The following SNX29 variants were observed in gnomAD, a reference collection of about 807,000 sequenced individuals.
SNX29 encodes sorting nexin 29.
A neutral mutation model predicts 102.1 loss-of-function variants in SNX29; 78 were observed. The observed-to-expected ratio is 0.76, with a 90% confidence interval of 0.64 to 0.92. SNX29 has a LOEUF of 0.92. SNX29 is among the 40% of genes least tolerant of loss of function. The pLI is 0.00. For synonymous variants in SNX29, 580 were observed against 414.5 expected (o/e 1.40, Z -4.85); for missense variants, 1,280 against 1,061.7 (o/e 1.21, Z -2.86).
chr16:12,562,698 C>T (rs183692672), intron 20 of SNX29, among the ~76,000 whole-genome samples: 137 of 152,214 alleles, frequency 9.0e-4, no homozygotes, highest in African/African-American at 2.2e-3. Flanking sequence ...TCTTTGGAGT[C>T]GAGATTGAAG....
chr16:12,519,054 C>T (rs377569974), intron 19 of SNX29, among the ~76,000 whole-genome samples: 11 of 152,118 alleles, frequency 7.2e-5, no homozygotes, highest in Admixed American at 2.0e-4. Flanking sequence ...TGGGGAGTGA[C>T]GGTGCTATGT....
rs1332710343 is a variant in SNX29 at position 12,572,028 on chromosome 16, G to C, written c.*3399G>C. ...CTAGGGAGCTGCTGGCTATAAAAGG[G>C]ATCATCCAGTGGAGTTGTAAACAAG... On this transcript the variant is annotated 3_prime_UTR_variant, in exon 21 of 21. Transcript: ENST00000566228. 3.8e-6 allele frequency: 4 copies of C among 1,063,018 alleles called. No individual in the cohort carries two copies. Among genetic ancestry groups the C allele is most frequent in the South Asian group, 4.6e-5 (1 of 21,962 alleles). The allele number at this position is 1,063,018 out of a possible 1,614,324, so 65.8% of individuals were successfully genotyped here. A position where few individuals can be genotyped will look rare whatever the true frequency, so the allele number is the denominator to read the frequency against.
intron 18 of SNX29, among the ~76,000 whole-genome samples, chr16:12,440,577 G>T (rs993182597): frequency 2.0e-4 from 30 of 152,172 alleles, no homozygotes; most frequent in African/African-American, 5.1e-4. Context: ...TATTTTTCCT[G>T]ATCCTCTCCC....
chr16:12,206,913 A>C (rs887826092), intron 14 of SNX29, among the ~76,000 whole-genome samples: 3 of 149,640 alleles, frequency 2.0e-5, no homozygotes, highest in Non-Finnish European at 4.4e-5. Context: ...TCACTTTCCA[A>C]TTAATGAAGT....
chr16:12,041,096 C>T (rs1453983322), intron 4 of SNX29, among the ~76,000 whole-genome samples: 4 of 152,040 alleles, frequency 2.6e-5, no homozygotes, highest in East Asian at 1.9e-4. Flanking sequence ...GGTGAGCTAC[C>T]GCGCCATCCT....
chr16:12,006,107 G>A (rs2056443411), intron 3 of SNX29, among the ~76,000 whole-genome samples: 1 of 151,982 alleles, frequency 6.6e-6, no homozygotes, highest in African/African-American at 2.4e-5. Context: ...GGGAGGCTGA[G>A]GTAGGAGGAT....
chr16:12,540,264 A>T (rs533305266), intron 20 of SNX29, among the ~76,000 whole-genome samples: 3 of 152,088 alleles, frequency 2.0e-5, no homozygotes, highest in Non-Finnish European at 4.4e-5. Flanking sequence ...GCGTAAGGTC[A>T]AGTGGAGGGA....
chr16:12,068,866 G>C (rs1011067804), intron 9 of SNX29, among the ~76,000 whole-genome samples, 191 bp from the exon 10 acceptor site: 5 of 152,202 alleles, frequency 3.3e-5, no homozygotes, highest in Admixed American at 6.5e-5. Flanking sequence ...TACAGTGACT[G>C]ATGCCAAGTC....
intron 20 of SNX29, among the ~76,000 whole-genome samples, chr16:12,534,289 G>A (rs550863838): frequency 2.6e-5 from 4 of 152,220 alleles, no homozygotes; most frequent in East Asian, 3.9e-4. Flanking sequence ...GTCTTTCTCC[G>A]TGTGGGAGAC....
chr16:12,294,980 C>A (rs1034638536), intron 15 of SNX29, among the ~76,000 whole-genome samples: 1 of 152,162 alleles, frequency 6.6e-6, no homozygotes, highest in Non-Finnish European at 1.5e-5. Context: ...ACACGTCTTA[C>A]ATGGCGTCAG....
chr16:12,265,555 T>G (rs2078902392), intron 14 of SNX29, among the ~76,000 whole-genome samples: 1 of 152,042 alleles, frequency 6.6e-6, no homozygotes, highest in South Asian at 2.1e-4. Context: ...CTCTTGTATT[T>G]GGCTTTTAAA....
intron 16 of SNX29, among the ~76,000 whole-genome samples, chr16:12,380,320 C>T (rs1183400215): frequency 4.4e-5 from 6 of 137,344 alleles, no homozygotes; most frequent in Non-Finnish European, 6.3e-5. Context: ...CACCTATCAT[C>T]CACCCACCCA....
chr16:12,331,249 G>A (rs779140860), intron 15 of SNX29, among the ~76,000 whole-genome samples: 2 of 152,174 alleles, frequency 1.3e-5, no homozygotes, highest in Non-Finnish European at 2.9e-5. Flanking sequence ...CCTACACAGA[G>A]ATCATGAGAT....
At chr16:12,273,030 C>T (rs1208668342) in intron 14 of SNX29, among the ~76,000 whole-genome samples, 3 of 152,166 alleles carry the variant, frequency 2.0e-5, no homozygotes, top group South Asian at 2.1e-4. Flanking sequence ...CTATCTACAG[C>T]TGTGAAGTGC....
At chr16:12,025,182 T>C (rs2057153160) in intron 3 of SNX29, among the ~76,000 whole-genome samples, 1 of 151,472 alleles carries the variant, frequency 6.6e-6, no homozygotes, top group Non-Finnish European at 1.5e-5. Context: ...GGCGCCTGTA[T>C]TCCCAGCTAC....
At chr16:12,531,047 G>C (rs2076918685) in intron 20 of SNX29, among the ~76,000 whole-genome samples, 1 of 152,238 alleles carries the variant, frequency 6.6e-6, no homozygotes, top group African/African-American at 2.4e-5. Flanking sequence ...CTACAGGCTT[G>C]ATGTGTAGAA....
intron 20 of SNX29, among the ~76,000 whole-genome samples, chr16:12,555,330 G>C (rs1303459076): frequency 6.6e-6 from 1 of 151,730 alleles, no homozygotes; most frequent in Non-Finnish European, 1.5e-5. Flanking sequence ...AGTGTTTCTT[G>C]GCACCTGAGA....
At chr16:12,238,570 C>T (rs1459268798) in intron 14 of SNX29, among the ~76,000 whole-genome samples, 4 of 152,136 alleles carry the variant, frequency 2.6e-5, no homozygotes, top group Non-Finnish European at 4.4e-5. Context: ...GTGATCCGCC[C>T]GCCTTGGCCT....
intron 20 of SNX29, among the ~76,000 whole-genome samples, chr16:12,563,917 A>C (rs1222165029): frequency 6.6e-6 from 1 of 152,242 alleles, no homozygotes; most frequent in Non-Finnish European, 1.5e-5. Flanking sequence ...GCAGCCGAAG[A>C]CCTACAATAC....
Sources: gnomAD v4.1 joint callset for allele counts (sites outside exome capture counted in the v4.1 genomes callset) on GRCh38, gnomAD v4.1.1 for gene constraint, MANE v1.5 for transcripts, NCBI Gene and HGNC (gene_info 2026-07-23, HGNC 2026-07-21) for gene names.